PRDM8: variants seen among roughly 807,000 people sequenced by gnomAD.
The protein encoded by PRDM8 is PR domain zinc finger protein 8.
In PRDM8, 13 loss-of-function variants were observed where a neutral mutation model predicts 46.5. The ratio of observed to expected loss-of-function variants is 0.28; its 90% CI spans 0.18 to 0.44. The LOEUF is 0.44. PRDM8 is among the 20% of genes least tolerant of loss of function. The pLI is 1.00. For missense variants in PRDM8, 998 were observed against 955.0 expected (o/e 1.04, Z -0.59); for synonymous variants, 473 against 438.4 (o/e 1.08, Z -0.98).
At chr4:80,186,918 G>C (rs914135280) in intron 1 of PRDM8, among the ~76,000 whole-genome samples, 1 of 152,126 alleles carries the variant, frequency 6.6e-6, no homozygotes, top group Non-Finnish European at 1.5e-5. Context: ...CCCTGCTTCG[G>C]GAGCAGCAGT....
At chr4:80,196,437 G>C (rs1253356770), upstream of PRDM8, 1 of 985,308 alleles carries the variant, frequency 1.0e-6, no homozygotes, top group Non-Finnish European at 1.2e-6. Context: ...CAACTTGCAG[G>C]CTGTTAAAGA....
In PRDM8 at chr4:80,202,804, C is replaced by G. The variant is rs1738632217; in HGVS notation, c.1342C>G (p.Arg448Gly). The G allele has an allele frequency of 1.6e-6, 2 of 1,227,536 alleles. No homozygotes were observed. Among genetic ancestry groups the G allele is most frequent in the Admixed American group, 4.4e-5 (1 of 22,948 alleles). 76.0% of individuals were successfully genotyped at this position (1,227,536 alleles called of 1,614,324 possible). ...APRPGGPLPSRLEGGSPARGS... is the reference protein window; with the variant it reads ...APRPGGPLPSGLEGGSPARGS... Reference sequence around the variant, plus strand: ...GCGGCCTGGGGGCCCGCTGCCCAGCCGGCTCGAGGGCGGCAGTCCTGCGAG... The same window carrying G: ...GCGGCCTGGGGGCCCGCTGCCCAGCGGGCTCGAGGGCGGCAGTCCTGCGAG... The change falls in exon 4 of 4, where the codon CGG becomes GGG. Residue 448 changes from arginine (R) to glycine (G), a missense_variant. Transcript: ENST00000415738.
chr4:80,196,061 G>C (rs892359775), upstream of PRDM8: 1 of 985,106 alleles, frequency 1.0e-6, no homozygotes, highest in Admixed American at 6.2e-5. Context: ...GGCTGTCAAA[G>C]CCTCAATACC....
In PRDM8 at chr4:80,202,372, G is replaced by C. The variant is rs747934880; in HGVS notation, c.910G>C (p.Gly304Arg). The change falls in exon 4 of 4, where the codon GGC becomes CGC. Residue 304 changes from glycine (G) to arginine (R), a missense_variant. By Grantham distance (125) the Gly-to-Arg change is moderately radical. Transcript: ENST00000415738. ...GHQEAELSPDGIATGGGKGKR... is the reference protein window; with the variant it reads ...GHQEAELSPDRIATGGGKGKR... Reference sequence around the variant, plus strand: ...CCAGGAGGCGGAGCTGAGTCCCGACGGCATCGCCACGGGCGGCGGCAAAGG... The same window carrying C: ...CCAGGAGGCGGAGCTGAGTCCCGACCGCATCGCCACGGGCGGCGGCAAAGG... The C allele has an allele frequency of 3.0e-4, 479 of 1,593,238 alleles. 1 individual carries two copies. The highest frequency in any genetic ancestry group is 5.1e-4 in the Middle Eastern group (3 of 5,940).
Position 80,199,709 on chromosome 4 carries a change from A to ATGTGTGTG in PRDM8, c.-2-348_-2-341dup, listed in dbSNP as rs34334135. On this transcript the variant is annotated intron_variant, in intron 1 of 3. Transcript: ENST00000415738. ...ATTATATATATGTATATATATATAT[A>ATGTGTGTG]TGTGTGTGTGTGTGTGTGTGTGTGT... Among the ~76,000 whole-genome samples, 1,007 of 132,990 alleles carry ATGTGTGTG rather than the reference A, an allele frequency of 7.6e-3. 21 individuals are homozygous for ATGTGTGTG. The highest frequency in any genetic ancestry group is 0.056 in the East Asian group (250 of 4,472). The allele number at this position is 132,990 out of a possible 152,430, so 87.2% of individuals were successfully genotyped here. A position where few individuals can be genotyped will look rare whatever the true frequency, so the allele number is the denominator to read the frequency against.
chr4:80,202,400 A>G lies in PRDM8; in HGVS notation c.938A>G (p.Lys313Arg). The G allele has an allele frequency of 6.4e-7, 1 of 1,569,518 alleles. No homozygotes were observed. The highest frequency in any genetic ancestry group is 2.3e-5 in the East Asian group (1 of 42,588). Reference sequence around the variant, plus strand: ...ATCGCCACGGGCGGCGGCAAAGGAAAGAGGAAATTCCCGGAGGAGGCGGCG... The same window carrying G: ...ATCGCCACGGGCGGCGGCAAAGGAAGGAGGAAATTCCCGGAGGAGGCGGCG... ...DGIATGGGKG[K>R]RKFPEEAAEG... is the part of the protein sequence containing the mutation. The change falls in exon 4 of 4, where the codon AAG (lysine) becomes AGG (arginine). Residue 313 changes from lysine to arginine, a missense_variant. Transcript: ENST00000415738.
At chr4:80,195,521 TTTGTG>T (rs1560469592), upstream of PRDM8, among the ~76,000 whole-genome samples, 6 of 150,006 alleles carry the variant, frequency 4.0e-5, no homozygotes, top group African/African-American at 1.5e-4. Flanking sequence ...TGTGTGTGTG[TTTGTG>T]TGTGTGTAGA....
chr4:80,186,379 A>C (rs1217845199), intron 1 of PRDM8, among the ~76,000 whole-genome samples: 1 of 150,078 alleles, frequency 6.7e-6, no homozygotes, highest in African/African-American at 2.4e-5. Flanking sequence ...GGAAGAAAGA[A>C]GGGAGGAAAT....
chr4:80,195,257 T>C (rs1052554960), upstream of PRDM8, among the ~76,000 whole-genome samples: 9 of 152,182 alleles, frequency 5.9e-5, no homozygotes, highest in Non-Finnish European at 1.0e-4. Flanking sequence ...ATCAGTCTAG[T>C]TTCTAAGGGA....
chr4:80,191,035 A>G (rs897060089), intron 1 of PRDM8, among the ~76,000 whole-genome samples: 8 of 152,234 alleles, frequency 5.3e-5, no homozygotes, highest in Non-Finnish European at 4.4e-5. Flanking sequence ...TAGCTATTCA[A>G]TTTGCTCCCT....
chr4:80,196,010 CA>C, upstream of PRDM8: 1 of 968,804 alleles, frequency 1.0e-6, no homozygotes, highest in Non-Finnish European at 1.2e-6. Context: ...TGTTTCTCCT[CA>C]GCAAAATCCT....
Position 80,201,434 on chromosome 4 carries a change from A to G in PRDM8, c.364A>G (p.Lys122Glu), listed in dbSNP as rs749205142. The G allele has an allele frequency of 1.2e-6, 2 of 1,614,240 alleles. No homozygotes were observed. Among genetic ancestry groups the G allele is most frequent in the South Asian group, 2.2e-5 (2 of 91,092 alleles). ...CTACCGCTCTCTCCGCAGGATTGCC[A>G]AAGACGAGGAGTTACTAGTTTGGTA... is the stretch of plus-strand genomic sequence containing the variant. ...LFYRSLRRIA[K>E]DEELLVWYGK... Residue 122 changes from lysine to glutamate, a missense_variant, in exon 3 of 4, where the codon AAA becomes GAA. Physicochemically the swap from Lys to Glu is moderately conservative, Grantham distance 56. Coordinates refer to ENST00000415738, the MANE Select transcript of PRDM8 (RefSeq NM_001099403.2).
chr4:80,193,006 T>C (rs10013037), upstream of PRDM8, among the ~76,000 whole-genome samples: 595 of 152,116 alleles, frequency 3.9e-3, 3 homozygotes, highest in African/African-American at 0.014. Flanking sequence ...AGAGAGAAAG[T>C]TTTAAACTTG....
In PRDM8 at chr4:80,204,311, C is replaced by A. The variant is rs1275474970; in HGVS notation, c.*779C>A. The A allele has an allele frequency of 6.6e-6, 1 of 152,628 alleles. No homozygotes were observed. Among genetic ancestry groups the A allele is most frequent in the Admixed American group, 6.5e-5 (1 of 15,284 alleles). The allele number at this position is 152,628 out of a possible 1,614,324, so 9.5% of individuals were successfully genotyped here. ...TGTTGGATGCTTTGACAATAAATGA[C>A]TATTTTCTTCAAAGCAAATATTTGG... On this transcript the variant is annotated 3_prime_UTR_variant, in exon 4 of 4. Transcript: ENST00000415738.
rs2109881646 is a variant in PRDM8 at position 80,204,161 on chromosome 4, TTATG to T, written c.*632_*635del. 6.5e-6 allele frequency: 1 copy of T among 152,784 alleles called. No homozygotes were observed. The highest frequency in any genetic ancestry group is 2.1e-4 in the South Asian group (1 of 4,828). The allele number at this position is 152,784 out of a possible 1,614,324, so 9.5% of individuals were successfully genotyped here. A position where few individuals can be genotyped will look rare whatever the true frequency, so the allele number is the denominator to read the frequency against. ...GGACTTCAATGAAGAATGTCATCAA[TTATG>T]TACATATGTATTTTCTTTTAATACA... On this transcript the variant is annotated 3_prime_UTR_variant, in exon 4 of 4. Coordinates refer to ENST00000415738, the MANE Select transcript of PRDM8 (RefSeq NM_001099403.2).
At chr4:80,191,116 C>CA (rs1737509825) in intron 1 of PRDM8, among the ~76,000 whole-genome samples, 1 of 152,138 alleles carries the variant, frequency 6.6e-6, no homozygotes. Context: ...TGAAAACATC[C>CA]AAAAAAGAGC....
chr4:80,202,889 G>A lies in PRDM8; in HGVS notation c.1427G>A (p.Gly476Asp), dbSNP rs2109879667. Residue 476 changes from glycine (G) to aspartate (D), a missense_variant, in exon 4 of 4, where the codon GGC becomes GAC. Gly to Asp is a moderately conservative substitution (Grantham distance 94). Transcript: ENST00000415738. ...LGSAGSTSGG[G>D]GTGAGAAGGA... is the part of the protein sequence containing the mutation. ...AGCGCGGGCAGCACCAGCGGTGGGG[G>A]CGGAACGGGCGCCGGGGCCGCAGGC... is the stretch of plus-strand genomic sequence containing the variant. 2.3e-6 allele frequency: 3 copies of A among 1,316,374 alleles called. No individual in the cohort carries two copies. Among genetic ancestry groups the A allele is most frequent in the East Asian group, 3.2e-5 (1 of 31,314 alleles). The allele number at this position is 1,316,374 out of a possible 1,614,324, so 81.5% of individuals were successfully genotyped here. A position where few individuals can be genotyped will look rare whatever the true frequency, so the allele number is the denominator to read the frequency against.
chr4:80,186,784 T>C (rs1033893383), intron 1 of PRDM8, among the ~76,000 whole-genome samples: 2 of 152,236 alleles, frequency 1.3e-5, no homozygotes, highest in African/African-American at 2.4e-5. Flanking sequence ...AATTGTTGTA[T>C]CAATATAATG....
In PRDM8 at chr4:80,202,071, G is replaced by T; in HGVS notation, c.609G>T (p.Gly203=). 6.2e-7 allele frequency: 1 copy of T among 1,613,530 alleles called. No homozygotes were observed. Among genetic ancestry groups the T allele is most frequent in the East Asian group, 2.2e-5 (1 of 44,844 alleles). The change falls in exon 4 of 4, where the codon GGG becomes GGT. Residue 203 remains glycine (G), a synonymous_variant. Transcript: ENST00000415738. ...GCGGCGTGGGCACCAAGGACCACGG[G>T]GGCGGCGGCGGCGGTGGCAAAGACC... The part of the protein sequence containing the change: ...QGGGVGTKDH[G]GGGGGGKDQQ...
Sources: allele counts gnomAD v4.1 joint callset (sites outside exome capture counted in the v4.1 genomes callset), GRCh38; gene constraint gnomAD v4.1.1; transcripts MANE v1.5; gene names NCBI Gene and HGNC (gene_info 2026-07-23, HGNC 2026-07-21).